The following POM121C variants were observed in gnomAD, a reference collection of about 807,000 sequenced individuals.
POM121C encodes POM121 transmembrane nucleoporin C, also known as nuclear envelope pore membrane protein POM 121C.
A neutral mutation model predicts 66.4 loss-of-function variants in POM121C; 20 were observed. The observed-to-expected ratio is 0.30, with a 90% CI of 0.21 to 0.44. The LOEUF (loss-of-function observed/expected upper bound fraction) is 0.44, where lower values mean the gene tolerates loss of function less well. Among genes scored for constraint, POM121C ranks in the 20% least tolerant of loss-of-function variants. The pLI is 1.00. For missense variants in POM121C, 580 were observed against 1,225.7 expected (o/e 0.47, Z 7.87); for synonymous variants, 286 against 528.0 (o/e 0.54, Z 6.28).
chr7:75,433,602 G>A (rs1261431892), intron 7 of POM121C, among the ~76,000 whole-genome samples: 1 of 152,046 alleles, frequency 6.6e-6, no homozygotes, highest in African/African-American at 2.4e-5. Context: ...CTGGTGATCT[G>A]CCCACCTCAG....
intron 1 of POM121C, among the ~76,000 whole-genome samples, chr7:75,481,798 AGAGT>A (rs1202173936): frequency 6.6e-6 from 1 of 152,216 alleles, no homozygotes; most frequent in Non-Finnish European, 1.5e-5. Flanking sequence ...CCTAGGCGAC[AGAGT>A]GAGACTCTGT....
rs1370571468 is a variant in POM121C at position 75,417,699 on chromosome 7, GA to G, written c.*1096del. The G allele has an allele frequency of 1.1e-5, 11 of 985,744 alleles. No individual in the cohort carries two copies. The African/African-American group carries it at 1.9e-4, about 17-fold the overall frequency. The allele number at this position is 985,744 out of a possible 1,614,324, so 61.1% of individuals were successfully genotyped here. ...TTAAGTGGGACAGAAACCGCAGAGG[GA>G]AGAGGTCTTTGCTTCCCCTGGGCCC... On this transcript the variant is annotated 3_prime_UTR_variant, in exon 15 of 15. Transcript: ENST00000615331.
chr7:75,437,596 T>A lies in POM121C; in HGVS notation c.399A>T (p.Thr133=). 2 of 1,613,966 alleles carry A rather than the reference T, an allele frequency of 1.2e-6. No homozygotes were observed. The highest frequency in any genetic ancestry group is 1.7e-6 in the Non-Finnish European group (2 of 1,179,860). ...RSRSSSMSSL[T]GAYTSGIPSS... ...TAGGGATGCCACTTGTGTAAGCGCC[T>A]GTCAAGGAGCTCATGGAAGAGCTTC... The change falls in exon 7 of 15, where the codon ACA becomes ACT. Residue 133 remains threonine (T), a synonymous_variant. Transcript: ENST00000615331.
intron 3 of POM121C, among the ~76,000 whole-genome samples, chr7:75,462,839 G>A (rs1205594771): frequency 2.0e-5 from 3 of 151,972 alleles, no homozygotes; most frequent in African/African-American, 7.3e-5. Flanking sequence ...AGAAGCTGTG[G>A]AGAGTTTCTA....
chr7:75,483,305 C>G (rs587752650), intron 1 of POM121C, among the ~76,000 whole-genome samples: 1 of 152,276 alleles, frequency 6.6e-6, no homozygotes, highest in Admixed American at 6.5e-5. Context: ...CCCAGAAAAT[C>G]TTTTAAGTCC....
In POM121C at chr7:75,424,306, C is replaced by T. The variant is rs1255973736; in HGVS notation, c.872-81G>A. 30 of 1,543,316 alleles carry T rather than the reference C, an allele frequency of 1.9e-5. No individual in the cohort carries two copies. The African/African-American group carries it at 3.4e-4, about 18-fold the overall frequency. ...TGCCTGTCGGAGAGCAGGCTCTCAG[C>T]ACAGCTCATGGAGGAATGTCTGCCC... On this transcript the variant is annotated intron_variant, in intron 11 of 14. Transcript: ENST00000615331.
intron 3 of POM121C, among the ~76,000 whole-genome samples, chr7:75,449,968 C>T (rs1201361108): frequency 1.3e-5 from 2 of 152,026 alleles, no homozygotes; most frequent in Non-Finnish European, 2.9e-5. Flanking sequence ...GAGCCGAGAT[C>T]GTGCCACTGC....
chr7:75,457,185 A>C (rs180990477), intron 3 of POM121C, among the ~76,000 whole-genome samples: 1 of 147,026 alleles, frequency 6.8e-6, no homozygotes, highest in Admixed American at 6.8e-5. Flanking sequence ...AAATAAATAA[A>C]TAAATAAATA....
At chr7:75,430,231 G>A (rs1220552715) in intron 7 of POM121C, among the ~76,000 whole-genome samples, 1 of 152,148 alleles carries the variant, frequency 6.6e-6, no homozygotes, top group Non-Finnish European at 1.5e-5. Flanking sequence ...GAAAAGAAAT[G>A]AGAAAGGGGG....
intron 3 of POM121C, among the ~76,000 whole-genome samples, chr7:75,454,318 G>T (rs1313486649): frequency 6.6e-6 from 1 of 152,280 alleles, no homozygotes; most frequent in Non-Finnish European, 1.5e-5. Context: ...GGCTGAGGAT[G>T]TGAGGGGCTA....
At chr7:75,428,676 C>A (rs1790054217) in intron 7 of POM121C, among the ~76,000 whole-genome samples, 2 of 152,148 alleles carry the variant, frequency 1.3e-5, no homozygotes, top group African/African-American at 4.8e-5. Context: ...ACTGAGCAAG[C>A]AAGGGTCAGA....
In POM121C at chr7:75,421,239, A is replaced by G. The variant is rs1554470575; in HGVS notation, c.2743+270T>C. 9.6e-6 allele frequency: 10 copies of G among 1,037,518 alleles called. No individual in the cohort carries two copies. The Admixed American group carries it at 1.6e-4, about 16-fold the overall frequency. The allele number at this position is 1,037,518 out of a possible 1,614,324, so 64.3% of individuals were successfully genotyped here. A position where few individuals can be genotyped will look rare whatever the true frequency, so the allele number is the denominator to read the frequency against. On this transcript the variant is annotated intron_variant, in intron 13 of 14. Coordinates refer to ENST00000615331, the MANE Select transcript of POM121C (RefSeq NM_001099415.3). ...GATCCACCCTCCTTGGCCTCCCAAA[A>G]TATTGGGATTACAAGCATGAGCCAC...
At chr7:75,431,407 C>T (rs1348610817) in intron 7 of POM121C, among the ~76,000 whole-genome samples, 2 of 151,284 alleles carry the variant, frequency 1.3e-5, no homozygotes, top group African/African-American at 4.9e-5. Flanking sequence ...AGTTTGAGAC[C>T]AGCCTGACCA....
intron 3 of POM121C, among the ~76,000 whole-genome samples, chr7:75,471,773 C>T (rs1427863631): frequency 5.9e-5 from 9 of 152,156 alleles, no homozygotes; most frequent in Non-Finnish European, 4.4e-5. Flanking sequence ...CGCGCTGTCA[C>T]GTGCTTGACA....
At chr7:75,485,275 G>A (rs2462268) in intron 1 of POM121C, among the ~76,000 whole-genome samples, 1 of 152,098 alleles carries the variant, frequency 6.6e-6, no homozygotes, top group Non-Finnish European at 1.5e-5. Context: ...AACTGAACTT[G>A]GTTATTGCTG....
intron 3 of POM121C, among the ~76,000 whole-genome samples, chr7:75,465,241 C>T (rs760658555): frequency 7.5e-4 from 114 of 151,750 alleles, no homozygotes; most frequent in Non-Finnish European, 1.2e-3. Flanking sequence ...GTGATCTGCT[C>T]GCCTTGGCCT....
chr7:75,485,932 C>T lies in POM121C; in HGVS notation c.-526G>A, dbSNP rs1792523460. 4.0e-6 allele frequency: 2 copies of T among 497,196 alleles called. No homozygotes were observed. The highest frequency in any genetic ancestry group is 7.9e-6 in the Non-Finnish European group (2 of 251,610). The allele number at this position is 497,196 out of a possible 1,614,324, so 30.8% of individuals were successfully genotyped here. A position where few individuals can be genotyped will look rare whatever the true frequency, so the allele number is the denominator to read the frequency against. ...CCGGGGCGGGCTGCTGTCGCTGGCG[C>T]GCGCGTCTGCTCGCGAGGTCCCCTC... On this transcript the variant is annotated 5_prime_UTR_variant, in exon 1 of 15. Transcript: ENST00000615331.
At chr7:75,468,666 A>C (rs1791762735) in intron 3 of POM121C, among the ~76,000 whole-genome samples, 2 of 152,060 alleles carry the variant, frequency 1.3e-5, no homozygotes, top group Admixed American at 6.6e-5. Context: ...TAAACTCAAA[A>C]CCAACATATG....
In POM121C at chr7:75,421,947, C is replaced by T. The variant is rs587715613; in HGVS notation, c.2305G>A (p.Gly769Ser). The change falls in exon 13 of 15, where the codon GGT becomes AGT. Residue 769 changes from glycine to serine, a missense_variant. Physicochemically the swap from Gly to Ser is moderately conservative, Grantham distance 56. Transcript: ENST00000615331. ...AATCCAAACGCCGAGTGCGTGGCACCGCCAAAGGTAGGCTGGATGGGCGTA... is the reference window on the plus strand; with the variant it reads ...AATCCAAACGCCGAGTGCGTGGCACTGCCAAAGGTAGGCTGGATGGGCGTA... ...VPTPIQPTFG[G>S]ATHSAFGLKA... 5.5e-5 allele frequency: 88 copies of T among 1,613,652 alleles called. No homozygotes were observed. Among genetic ancestry groups the T allele is most frequent in the South Asian group, 2.4e-4 (22 of 91,078 alleles).
Sources: allele counts gnomAD v4.1 joint callset (sites outside exome capture counted in the v4.1 genomes callset), GRCh38; gene constraint gnomAD v4.1.1; transcripts MANE v1.5; gene names NCBI Gene and HGNC (gene_info 2026-07-23, HGNC 2026-07-21).